CDH20: variants seen among roughly 807,000 people sequenced by gnomAD.
CDH20 encodes cadherin-20.
In CDH20, 29 loss-of-function variants were observed where a neutral mutation model predicts 74.2. That is an observed-to-expected ratio of 0.39 (90% confidence interval 0.29 to 0.53). The LOEUF is 0.53. Ranked by LOEUF, CDH20 falls within the 20% of genes least tolerant of loss-of-function variation. The pLI is 0.69. For missense variants in CDH20, 988 were observed against 1,048.3 expected, an observed-to-expected ratio of 0.94 and a Z score of 0.79; for synonymous variants, 469 against 405.4, an observed-to-expected ratio of 1.16 and a Z score of -1.88.
intron 1 of CDH20, among the ~76,000 whole-genome samples, chr18:61,361,484 A>G (rs1291593931): frequency 6.6e-6 from 1 of 152,208 alleles, no homozygotes; most frequent in Non-Finnish European, 1.5e-5. Flanking sequence ...AGCCTTTTGA[A>G]ATACATGTAT....
chr18:61,386,005 C>G (rs1349909039), intron 1 of CDH20, among the ~76,000 whole-genome samples: 3 of 151,404 alleles, frequency 2.0e-5, no homozygotes, highest in Non-Finnish European at 4.4e-5. Flanking sequence ...AAATTAACTT[C>G]ACTAGTAATT....
rs1910619910 is a variant in CDH20, at chr18:61,359,554, G to T, written c.-153+25727G>T. Among the ~76,000 whole-genome samples, 3 of 152,104 alleles carry T rather than the reference G, an allele frequency of 2.0e-5. No homozygotes were observed. The South Asian group carries it at 6.2e-4, about 32-fold the overall frequency. The stretch of plus-strand genomic sequence containing the variant: ...TCACTGAACAAGGGTGGGGAGCATG[G>T]ATTATGTGGTAAAGTAGAAATAAAA... On this transcript the variant is annotated intron_variant, in intron 1 of 11. Transcript: ENST00000262717.
At chr18:61,423,609 TAC>T (rs1467092081) in intron 1 of CDH20, among the ~76,000 whole-genome samples, 2 of 152,118 alleles carry the variant, frequency 1.3e-5, no homozygotes, top group Non-Finnish European at 2.9e-5. Flanking sequence ...AGATCTATGC[TAC>T]ATTTTATAAC....
intron 1 of CDH20, among the ~76,000 whole-genome samples, chr18:61,379,315 TC>T (rs1223683736): frequency 1.3e-5 from 2 of 152,234 alleles, no homozygotes; most frequent in East Asian, 3.8e-4. Flanking sequence ...ATTATTATGC[TC>T]CCTTCAAATT....
At chr18:61,553,375 C>A (rs1323358073) in intron 11 of CDH20, among the ~76,000 whole-genome samples, 1 of 152,236 alleles carries the variant, frequency 6.6e-6, no homozygotes. Context: ...CTCCTTTAAA[C>A]CCCAGCGAAC....
At chr18:61,443,888 T>A (rs757467007) in intron 1 of CDH20, among the ~76,000 whole-genome samples, 2 of 151,958 alleles carry the variant, frequency 1.3e-5, no homozygotes, top group East Asian at 3.9e-4. Flanking sequence ...AGTACAACAC[T>A]GGTAGGGATC....
intron 1 of CDH20, among the ~76,000 whole-genome samples, chr18:61,440,461 C>G (rs1033130729): frequency 6.6e-6 from 1 of 152,162 alleles, no homozygotes. Context: ...ACATAGCCGA[C>G]TAATACACTC....
At chr18:61,461,752 T>C (rs990720947) in intron 1 of CDH20, among the ~76,000 whole-genome samples, 4 of 152,218 alleles carry the variant, frequency 2.6e-5, no homozygotes, top group Non-Finnish European at 5.9e-5. Flanking sequence ...TCAAGAGCCC[T>C]GTTACAGAAT....
chr18:61,421,145 G>A (rs752051557), intron 1 of CDH20, among the ~76,000 whole-genome samples: 18 of 152,138 alleles, frequency 1.2e-4, no homozygotes, highest in Non-Finnish European at 1.9e-4. Flanking sequence ...AATAGCTAAC[G>A]ATTAAACTTG....
At chr18:61,452,175 A>G (rs1909414700) in intron 1 of CDH20, among the ~76,000 whole-genome samples, 1 of 152,128 alleles carries the variant, frequency 6.6e-6, no homozygotes, top group African/African-American at 2.4e-5. Context: ...TTAAACTCTT[A>G]TCATTGTCTT....
At chr18:61,486,579 C>T (rs191651393) in intron 1 of CDH20, among the ~76,000 whole-genome samples, 8 of 152,242 alleles carry the variant, frequency 5.3e-5, no homozygotes, top group East Asian at 1.9e-4. Context: ...AATGTTGATG[C>T]ACCTTATGGT....
intron 1 of CDH20, among the ~76,000 whole-genome samples, chr18:61,341,138 T>C (rs1014482454): frequency 2.0e-4 from 30 of 152,212 alleles, no homozygotes; most frequent in Non-Finnish European, 3.5e-4. Context: ...TGTTCTCTTA[T>C]GTTTTACTCT....
intron 6 of CDH20, among the ~76,000 whole-genome samples, chr18:61,517,607 C>T (rs924116814): frequency 1.3e-5 from 2 of 152,186 alleles, no homozygotes; most frequent in African/African-American, 4.8e-5. Context: ...CAGGAGACTC[C>T]CTTGGGTGCC....
chr18:61,441,653 T>G (rs1322318296), intron 1 of CDH20, among the ~76,000 whole-genome samples: 1 of 152,224 alleles, frequency 6.6e-6, no homozygotes, highest in Non-Finnish European at 1.5e-5. Context: ...AAAGGCAACT[T>G]AAGTATTTGA....
At chr18:61,477,618 T>C (rs1222461756) in intron 1 of CDH20, among the ~76,000 whole-genome samples, 2 of 152,194 alleles carry the variant, frequency 1.3e-5, no homozygotes, top group Non-Finnish European at 1.5e-5. Flanking sequence ...GAATCATCTA[T>C]TGTTGCAAAT....
intron 1 of CDH20, among the ~76,000 whole-genome samples, chr18:61,484,042 T>G (rs928924589): frequency 2.6e-5 from 4 of 152,220 alleles, no homozygotes; most frequent in Non-Finnish European, 4.4e-5. Context: ...CAAGGAAAAC[T>G]GCAGGATTTT....
At chr18:61,537,520 G>A (rs1912854697) in intron 8 of CDH20, among the ~76,000 whole-genome samples, 1 of 152,120 alleles carries the variant, frequency 6.6e-6, no homozygotes, top group African/African-American at 2.4e-5. Flanking sequence ...CATATTCAAT[G>A]ACAAAGGATA....
intron 1 of CDH20, among the ~76,000 whole-genome samples, chr18:61,490,181 C>A (rs375405064): frequency 6.6e-6 from 1 of 151,968 alleles, no homozygotes; most frequent in African/African-American, 2.4e-5. Flanking sequence ...TTATTCCCAC[C>A]GAATCTATAT....
intron 1 of CDH20, among the ~76,000 whole-genome samples, chr18:61,374,863 C>T (rs1911164025): frequency 6.6e-6 from 1 of 152,084 alleles, no homozygotes; most frequent in African/African-American, 2.4e-5. Context: ...CTGGGCACAA[C>T]CTCTTATTTT....
Sources: allele counts gnomAD v4.1 joint callset (sites outside exome capture counted in the v4.1 genomes callset), GRCh38; gene constraint gnomAD v4.1.1; transcripts MANE v1.5; gene names NCBI Gene and HGNC (gene_info 2026-07-23, HGNC 2026-07-21).